The following EPHB3 variants were observed in gnomAD, a reference collection of about 807,000 sequenced individuals.
EPHB3 encodes ephrin type-B receptor 3.
Under a neutral mutation model 100.2 loss-of-function variants are expected in EPHB3, and 33 were observed. The ratio of observed to expected loss-of-function variants is 0.33; its 90% CI spans 0.25 to 0.44. The LOEUF is 0.44. Ranked by LOEUF, EPHB3 falls within the 20% of genes least tolerant of loss-of-function variation. The pLI, the probability that EPHB3 is intolerant of heterozygous loss-of-function variation, is 1.00. For missense variants in EPHB3, 1,045 were observed against 1,378.3 expected (o/e 0.76, Z 3.83); for synonymous variants, 526 against 554.7 (o/e 0.95, Z 0.73).
chr3:184,575,956 A>G lies in EPHB3; in HGVS notation c.983A>G (p.Asp328Gly). The G allele has an allele frequency of 1.9e-6, 3 of 1,613,366 alleles. No individual in the cohort carries two copies. Among genetic ancestry groups the G allele is most frequent in the South Asian group, 1.1e-5 (1 of 90,990 alleles). Residue 328 changes from aspartate to glycine, a missense_variant, in exon 4 of 16, where the codon GAC becomes GGC. Physicochemically the swap from Asp to Gly is moderately conservative, Grantham distance 94 (BLOSUM62 -1). Coordinates refer to ENST00000330394, the MANE Select transcript of EPHB3 (RefSeq NM_004443.4). ...CTCHNNFYRA[D>G]SDSADSACTT... ...TGCCACAATAACTTCTACCGTGCAGACTCGGACTCTGCGGACAGTGCCTGT... is the reference window on the plus strand; with the variant it reads ...TGCCACAATAACTTCTACCGTGCAGGCTCGGACTCTGCGGACAGTGCCTGT...
chr3:184,577,144 C>T lies in EPHB3; in HGVS notation c.1315C>T (p.Pro439Ser). 1 of 1,609,000 alleles carries T rather than the reference C, an allele frequency of 6.2e-7. No homozygotes were observed. The highest frequency in any genetic ancestry group is 2.2e-5 in the East Asian group (1 of 44,790). ...TGTCTCGGGCAAGAGCCCTCTGCCG[C>T]CTCGTTATGCGGCCGTGAATATCAC... ...NGVSGKSPLP[P>S]RYAAVNITTN... Residue 439 changes from proline to serine, a missense_variant, in exon 5 of 16, where the codon CCT becomes TCT. By Grantham distance (74) the Pro-to-Ser change is moderately conservative. Transcript: ENST00000330394. The surrounding 1 kb of genome is among the most constrained non-coding windows in gnomAD (Gnocchi z 4.9).
intron 3 of EPHB3, chr3:184,575,157 A>C: frequency 4.1e-6 from 4 of 985,416 alleles, no homozygotes; most frequent in Non-Finnish European, 4.8e-6. Context: ...GCAGGAGGGA[A>C]GACTGGGGAG....
At chr3:184,574,888 C>A (rs1390714057) in intron 3 of EPHB3, among the ~76,000 whole-genome samples, 2 of 152,224 alleles carry the variant, frequency 1.3e-5, no homozygotes, top group African/African-American at 2.4e-5. Flanking sequence ...ATATCACCTT[C>A]GTGAGGGCAG....
In EPHB3 at chr3:184,577,929, T is replaced by A. The variant is rs772137908; in HGVS notation, c.1671T>A (p.Leu557=). Residue 557 remains leucine, a synonymous_variant, in exon 8 of 16, where the codon CTT becomes CTA. Transcript: ENST00000330394. This position sits in a 1 kb window ranked among gnomAD's most constrained non-coding sequence, Gnocchi z 4.9. ...GSGAQQLQEQ[L]PLIVGSATAG... ...GGGCCCAGCAGCTCCAGGAGCAGCTTCCCCTCATCGTGGGCTCCGCTACAG... is the reference window on the plus strand; with the variant it reads ...GGGCCCAGCAGCTCCAGGAGCAGCTACCCCTCATCGTGGGCTCCGCTACAG... 1.9e-6 allele frequency: 3 copies of A among 1,613,822 alleles called. No homozygotes were observed. In the South Asian group the frequency reaches 3.3e-5, roughly 18 times the overall value.
chr3:184,572,602 G>A lies in EPHB3; in HGVS notation c.282G>A (p.Thr94=), dbSNP rs147901127. ...RESSQNNWLR[T]GFIWRRDVQR... ...CAAGCCAGAACAACTGGCTTCGCAC[G>A]GGGTTCATCTGGCGGCGGGATGTGC... Residue 94 remains threonine (T), a synonymous_variant, in exon 3 of 16, where the codon ACG becomes ACA. Coordinates refer to ENST00000330394, the MANE Select transcript of EPHB3 (RefSeq NM_004443.4). The surrounding 1 kb of genome is among the most constrained non-coding windows in gnomAD (Gnocchi z 6.6). 3.7e-5 allele frequency: 58 copies of A among 1,548,438 alleles called. No individual in the cohort carries two copies. The East Asian group carries it at 6.1e-4, about 16-fold the overall frequency.
chr3:184,564,044 G>T (rs545145244), intron 1 of EPHB3, among the ~76,000 whole-genome samples: 32 of 152,242 alleles, frequency 2.1e-4, no homozygotes, highest in Non-Finnish European at 3.5e-4. Flanking sequence ...TCACCTACTG[G>T]ACCCTCAGGA....
rs67295730 is a variant in EPHB3 at position 184,573,716 on chromosome 3, CTTTTT to C, written c.856+554_856+558del. On this transcript the variant is annotated intron_variant, in intron 3 of 15. Coordinates refer to ENST00000330394, the MANE Select transcript of EPHB3 (RefSeq NM_004443.4). This position sits in a 1 kb window ranked among gnomAD's most constrained non-coding sequence, Gnocchi z 4.5. ...CACTTACGTGACCTTGGGCAAGTTA[CTTTTT>C]TTTTTTTTTTTTTGAGATGGAGTTT... Among the ~76,000 whole-genome samples the C allele has an allele frequency of 2.2e-5, 3 of 138,576 alleles. No individual in the cohort carries two copies. The highest frequency in any genetic ancestry group is 5.4e-5 in the African/African-American group (2 of 37,276). 90.9% of individuals were successfully genotyped at this position (138,576 alleles called of 152,430 possible).
At position 184,578,536 on chromosome 3, in the gene EPHB3, C is replaced by T; in HGVS notation, c.1801+70C>T. The T allele has an allele frequency of 1.3e-6, 2 of 1,594,674 alleles. No homozygotes were observed. The highest frequency in any genetic ancestry group is 3.4e-5 in the Admixed American group (2 of 59,392). On this transcript the variant is annotated intron_variant, in intron 9 of 15. Coordinates refer to ENST00000330394, the MANE Select transcript of EPHB3 (RefSeq NM_004443.4). The surrounding 1 kb of genome is among the most constrained non-coding windows in gnomAD (Gnocchi z 4.7). ...GCAGGGCTCTCAGACACCCTTCTCC[C>T]TGCCTGGGACTTCATTCCTTAGAGA...
Position 184,581,096 on chromosome 3 carries a change from T to C in EPHB3, c.2663T>C (p.Ile888Thr), listed in dbSNP as rs1277732227. The change falls in exon 14 of 16, where the codon ATT becomes ACT. Residue 888 changes from isoleucine to threonine, a missense_variant. By Grantham distance (89) the Ile-to-Thr change is moderately conservative (BLOSUM62 -1). Coordinates refer to ENST00000330394, the MANE Select transcript of EPHB3 (RefSeq NM_004443.4). ...AACCTCAGGCCCAAATTCTCCCAGA[T>C]TGTCAATACCCTGGACAAGCTCATC... ...DRNLRPKFSQ[I>T]VNTLDKLIRN... 1.2e-6 allele frequency: 2 copies of C among 1,614,072 alleles called. No individual in the cohort carries two copies. Among genetic ancestry groups the C allele is most frequent in the African/African-American group, 1.3e-5 (1 of 74,942 alleles).
chr3:184,582,204 C>G lies in EPHB3; in HGVS notation c.*582C>G, dbSNP rs1314354896. 6.2e-6 allele frequency: 1 copy of G among 161,626 alleles called. No homozygotes were observed. The highest frequency in any genetic ancestry group is 2.4e-5 in the African/African-American group (1 of 41,422). 10.0% of individuals were successfully genotyped at this position (161,626 alleles called of 1,614,324 possible). ...CAGGCAGGGGCAGGCTGAGGAGTTG[C>G]CCTTTGCCCCCCAGAGACTGACTCT... On this transcript the variant is annotated 3_prime_UTR_variant, in exon 16 of 16. Coordinates refer to ENST00000330394, the MANE Select transcript of EPHB3 (RefSeq NM_004443.4).
At position 184,580,439 on chromosome 3, in the gene EPHB3, G is replaced by T; in HGVS notation, c.2210G>T (p.Gly737Val). Residue 737 changes from glycine to valine, a missense_variant, in exon 12 of 16, where the codon GGC (glycine) becomes GTC (valine). Coordinates refer to ENST00000330394, the MANE Select transcript of EPHB3 (RefSeq NM_004443.4). ...CAGTTCACGGTCATCCAGCTGGTGGGCATGTTGCGGGGCATTGCTGCCGGC... is the reference window on the plus strand; with the variant it reads ...CAGTTCACGGTCATCCAGCTGGTGGTCATGTTGCGGGGCATTGCTGCCGGC... ...DGQFTVIQLV[G>V]MLRGIAAGMK... 2.5e-6 allele frequency: 4 copies of T among 1,614,208 alleles called. No homozygotes were observed. The highest frequency in any genetic ancestry group is 3.4e-6 in the Non-Finnish European group (4 of 1,180,028).
intron 15 of EPHB3, 43 bp downstream of exon 15, chr3:184,581,451 A>G (rs1714819974): frequency 3.1e-6 from 5 of 1,589,462 alleles, no homozygotes; most frequent in South Asian, 1.2e-5. Context: ...AGGGGGCCCT[A>G]GGCTGGGCCC....
In EPHB3 at chr3:184,569,214, A is replaced by ACCGGCGGGC. The variant is rs1714478236; in HGVS notation, c.119-2104_119-2103insCCGGCGGGC. 8.9e-6 allele frequency among the ~76,000 whole-genome samples: 1 copy of ACCGGCGGGC among 112,988 alleles called. No homozygotes were observed. Among genetic ancestry groups the ACCGGCGGGC allele is most frequent in the Non-Finnish European group, 2.0e-5 (1 of 49,414 alleles). The allele number at this position is 112,988 out of a possible 152,430, so 74.1% of individuals were successfully genotyped here. A position where few individuals can be genotyped will look rare whatever the true frequency, so the allele number is the denominator to read the frequency against. ...GCGGACCGGCGGGCGGACCGGCGGG[A>ACCGGCGGGC]GGACTGGCTGCGGGGGCAGGGCGCG... On this transcript the variant is annotated intron_variant, in intron 1 of 15. Transcript: ENST00000330394. This position sits in a 1 kb window ranked among gnomAD's most constrained non-coding sequence, Gnocchi z 5.4.
In EPHB3 at chr3:184,562,378, C is replaced by T. The variant is rs1479742068; in HGVS notation, c.118+25C>T. On this transcript the variant is annotated intron_variant, in intron 1 of 15. Coordinates refer to ENST00000330394, the MANE Select transcript of EPHB3 (RefSeq NM_004443.4). The surrounding 1 kb of genome is among the most constrained non-coding windows in gnomAD (Gnocchi z 4.8). ...GGTGAGCGGCGTCGGGGGGCGCGCC[C>T]GGGAACAAGGTGCCTGGGGTCGCGG... The T allele has an allele frequency of 8.2e-7, 1 of 1,214,248 alleles. No homozygotes were observed. Among genetic ancestry groups the T allele is most frequent in the Non-Finnish European group, 1.0e-6 (1 of 977,992 alleles). The allele number at this position is 1,214,248 out of a possible 1,614,324, so 75.2% of individuals were successfully genotyped here.
At chr3:184,564,062 C>A (rs554223218) in intron 1 of EPHB3, among the ~76,000 whole-genome samples, 78 of 152,322 alleles carry the variant, frequency 5.1e-4, no homozygotes, top group Non-Finnish European at 9.3e-4. Flanking sequence ...GGAGTCCAGG[C>A]CCTAGCAGGA....
Position 184,579,666 on chromosome 3 carries a change from C to T in EPHB3, c.1925-21C>T, listed in dbSNP as rs774201952. 19 of 1,610,792 alleles carry T rather than the reference C, an allele frequency of 1.2e-5. No individual in the cohort carries two copies. The highest frequency in any genetic ancestry group is 3.3e-4 in the Middle Eastern group (2 of 6,048). Reference sequence around the variant, plus strand: ...GGCTGGGTACAGGAGTGAGTCATAGCTTGTGCCCTGTGCCCTGCAGGGGAA... The same window carrying T: ...GGCTGGGTACAGGAGTGAGTCATAGTTTGTGCCCTGTGCCCTGCAGGGGAA... On this transcript the variant is annotated intron_variant, in intron 10 of 15. Coordinates refer to ENST00000330394, the MANE Select transcript of EPHB3 (RefSeq NM_004443.4). The surrounding 1 kb of genome is among the most constrained non-coding windows in gnomAD (Gnocchi z 5.2).
Position 184,561,828 on chromosome 3 carries a change from GA to G in EPHB3, c.-407del, listed in dbSNP as rs1714252528. On this transcript the variant is annotated 5_prime_UTR_variant, in exon 1 of 16. Transcript: ENST00000330394. ...AGCGGCGCAGCAAGATCCCAGCTCG[GA>G]CCCCGGACGGCGCGCGCCCCCGAAG... 6.6e-6 allele frequency: 1 copy of G among 152,588 alleles called. No homozygotes were observed. The highest frequency in any genetic ancestry group is 2.4e-5 in the African/African-American group (1 of 41,456). 9.5% of individuals were successfully genotyped at this position (152,588 alleles called of 1,614,324 possible). A position where few individuals can be genotyped will look rare whatever the true frequency, so the allele number is the denominator to read the frequency against.
In EPHB3 at chr3:184,579,700, A is replaced by G; in HGVS notation, c.1938A>G (p.Glu646=). The G allele has an allele frequency of 6.2e-7, 1 of 1,610,942 alleles. No individual in the cohort carries two copies. Among genetic ancestry groups the G allele is most frequent in the Non-Finnish European group, 8.5e-7 (1 of 1,178,014 alleles). Residue 646 remains glutamate (E), a synonymous_variant, in exon 11 of 16, where the codon GAA becomes GAG. Transcript: ENST00000330394. This position sits in a 1 kb window ranked among gnomAD's most constrained non-coding sequence, Gnocchi z 5.2. ...EEVIGAGEFG[E]VCRGRLKQPG... ...TGTGCCCTGCAGGGGAATTTGGGGAAGTGTGCCGTGGTCGACTGAAACAGC... is the reference window on the plus strand; with the variant it reads ...TGTGCCCTGCAGGGGAATTTGGGGAGGTGTGCCGTGGTCGACTGAAACAGC...
rs1224559214 is a variant in EPHB3 at position 184,563,347 on chromosome 3, C to A, written c.118+994C>A. Among the ~76,000 whole-genome samples the A allele has an allele frequency of 6.6e-6, 1 of 152,120 alleles. No homozygotes were observed. Among genetic ancestry groups the A allele is most frequent in the Non-Finnish European group, 1.5e-5 (1 of 68,020 alleles). ...CCCTAAAGTGGAGGGAGGGACGCCACAGAAATTCGAGGGCAATTGGAATAA... is the reference window on the plus strand; with the variant it reads ...CCCTAAAGTGGAGGGAGGGACGCCAAAGAAATTCGAGGGCAATTGGAATAA... On this transcript the variant is annotated intron_variant, in intron 1 of 15. Coordinates refer to ENST00000330394, the MANE Select transcript of EPHB3 (RefSeq NM_004443.4). The surrounding 1 kb of genome is among the most constrained non-coding windows in gnomAD (Gnocchi z 4.1).
Sources: gnomAD v4.1 joint callset for allele counts (sites outside exome capture counted in the v4.1 genomes callset) on GRCh38, gnomAD v4.1.1 for gene constraint, Gnocchi (gnomAD v3.1) non-coding constraint, MANE v1.5 for transcripts, NCBI Gene and HGNC (gene_info 2026-07-23, HGNC 2026-07-21) for gene names.